Variants in KMT2B observed in about 807,000 individuals in gnomAD.
KMT2B encodes the protein lysine methyltransferase 2B, also known as histone-lysine N-methyltransferase 2B.
In KMT2B, 22 loss-of-function variants were observed where a neutral mutation model predicts 255.3. The ratio of observed to expected loss-of-function variants is 0.09; its 90% CI spans 0.06 to 0.12. KMT2B has a LOEUF of 0.12. Among genes scored for constraint, KMT2B ranks in the 10% least tolerant of loss-of-function variants. The pLI is 1.00. For synonymous variants in KMT2B, 1,730 were observed against 1,498.1 expected, an observed-to-expected ratio of 1.15 and a Z score of -3.57; for missense variants, 3,149 against 3,737.0, an observed-to-expected ratio of 0.84 and a Z score of 4.10.
chr19:35,728,681 G>T (rs1018240412), intron 19 of KMT2B, 93 bp from the exon 20 acceptor site: 2 of 845,264 alleles, frequency 2.4e-6, no homozygotes, highest in Non-Finnish European at 4.0e-6. Context: ...AGGGAGTAGC[G>T]GGTGTCATGG....
rs1394871763 is a variant in KMT2B, at chr19:35,738,629, G to A, written c.*72G>A. On this transcript the variant is annotated 3_prime_UTR_variant, in exon 37 of 37. Transcript: ENST00000420124. The surrounding 1 kb of genome is among the most constrained non-coding windows in gnomAD (Gnocchi z 8.7). Reference sequence around the variant, plus strand: ...CTGCCATCTTGCCCCTAGCCTGGGGGCTCCCTAGCCCCTCCCAGAGCATCT... The same window carrying A: ...CTGCCATCTTGCCCCTAGCCTGGGGACTCCCTAGCCCCTCCCAGAGCATCT... The A allele has an allele frequency of 4.0e-6, 6 of 1,512,484 alleles. No individual in the cohort carries two copies. Among genetic ancestry groups the A allele is most frequent in the South Asian group, 2.5e-5 (2 of 78,596 alleles). 93.7% of individuals were successfully genotyped at this position (1,512,484 alleles called of 1,614,324 possible).
intron 19 of KMT2B, 103 bp downstream of exon 19, chr19:35,728,274 T>G: frequency 9.6e-7 from 1 of 1,039,602 alleles, no homozygotes; most frequent in Non-Finnish European, 1.4e-6. Flanking sequence ...AGGTAGGGTC[T>G]GGAGCAGAGC....
intron 8 of KMT2B, among the ~76,000 whole-genome samples, 198 bp from the exon 9 acceptor site, chr19:35,724,439 G>A (rs1969348052): frequency 6.6e-6 from 1 of 152,150 alleles, no homozygotes; most frequent in African/African-American, 2.4e-5. Flanking sequence ...TCAAGGCTGC[G>A]GTGGGCTATG....
intron 2 of KMT2B, 84 bp downstream of exon 2, chr19:35,719,625 C>T (rs1969100257): frequency 5.3e-6 from 8 of 1,507,192 alleles, no homozygotes; most frequent in Admixed American, 1.8e-5. Context: ...GTTCAACTAG[C>T]CTCTGTCAGT....
At chr19:35,731,167 C>T (rs927105032) in intron 26 of KMT2B, among the ~76,000 whole-genome samples, 10 of 152,164 alleles carry the variant, frequency 6.6e-5, no homozygotes, top group African/African-American at 9.7e-5. Context: ...GCTCATGGAG[C>T]GCTCTCCAGT....
chr19:35,722,894 G>A (rs994426330), intron 5 of KMT2B, 101 bp from the exon 6 acceptor site: 130 of 1,431,578 alleles, frequency 9.1e-5, no homozygotes, highest in Non-Finnish European at 1.1e-4. Flanking sequence ...GGAACCTGGC[G>A]CTGTGAGAAA....
intron 26 of KMT2B, among the ~76,000 whole-genome samples, chr19:35,731,678 A>G (rs1969698277): frequency 6.6e-6 from 1 of 152,070 alleles, no homozygotes; most frequent in East Asian, 1.9e-4. Context: ...GGCAGAGAGG[A>G]GATGGCAAGG....
Position 35,729,259 on chromosome 19 carries a change from A to G in KMT2B, c.4880A>G (p.Lys1627Arg). ...EVFEENDGSLKNVHAAVARGR... is the reference protein window; with the variant it reads ...EVFEENDGSLRNVHAAVARGR... ...TTCGAGGAGAACGACGGCTCCCTCA[A>G]GAATGTGCATGCTGCTGTGGCCCGA... Residue 1627 changes from lysine (K) to arginine (R), a missense_variant, in exon 22 of 37, where the codon AAG becomes AGG. Lys to Arg is a conservative substitution (Grantham distance 26). Coordinates refer to ENST00000420124, the MANE Select transcript of KMT2B (RefSeq NM_014727.3). The G allele has an allele frequency of 6.2e-7, 1 of 1,603,942 alleles. No individual in the cohort carries two copies. Among genetic ancestry groups the G allele is most frequent in the Non-Finnish European group, 8.5e-7 (1 of 1,175,378 alleles).
intron 30 of KMT2B, 185 bp from the exon 31 acceptor site, chr19:35,736,505 G>T: frequency 1.5e-6 from 1 of 673,498 alleles, no homozygotes; most frequent in East Asian, 2.8e-5. Context: ...GGCTCCTTAG[G>T]GGAAGAAATG....
chr19:35,728,683 G>A, intron 19 of KMT2B, 91 bp from the exon 20 acceptor site: 1 of 862,764 alleles, frequency 1.2e-6, no homozygotes, highest in Non-Finnish European at 1.9e-6. Context: ...GGAGTAGCGG[G>A]TGTCATGGCG....
rs547847495 is a variant in KMT2B at position 35,727,686 on chromosome 19, C to A, written c.4303-12C>A. ...GCCCACCCCCAGCCCTGCTAACTTC[C>A]CCGCTTTGCAGTGTGGGCCAGATGG... On this transcript the variant is annotated splice_polypyrimidine_tract_variant and intron_variant, in intron 16 of 36. Transcript: ENST00000420124. This position sits in a 1 kb window ranked among gnomAD's most constrained non-coding sequence, Gnocchi z 4.2. 3.1e-6 allele frequency: 5 copies of A among 1,613,560 alleles called. No individual in the cohort carries two copies. Among genetic ancestry groups the A allele is most frequent in the South Asian group, 1.1e-5 (1 of 91,088 alleles).
In KMT2B at chr19:35,720,962, G is replaced by A. The variant is rs1969170990; in HGVS notation, c.1615G>A (p.Val539Ile). ...MPVVSARSSR[V>I]IKTPRRFMDE... ...TGTGGTGAGTGCCCGCTCCTCCCGT[G>A]TCATCAAGACACCCCGGCGATTTAT... Residue 539 changes from valine to isoleucine, a missense_variant, in exon 3 of 37, where the codon GTC (valine) becomes ATC (isoleucine). Physicochemically the swap from Val to Ile is conservative, Grantham distance 29. Transcript: ENST00000420124. 6.2e-7 allele frequency: 1 copy of A among 1,612,114 alleles called. No homozygotes were observed. Among genetic ancestry groups the A allele is most frequent in the African/African-American group, 1.3e-5 (1 of 74,674 alleles).
In KMT2B at chr19:35,738,431, C is replaced by T. The variant is rs752270114; in HGVS notation, c.8022C>T (p.Ile2674=). 2 of 1,614,130 alleles carry T rather than the reference C, an allele frequency of 1.2e-6. No individual in the cohort carries two copies. The highest frequency in any genetic ancestry group is 2.7e-5 in the African/African-American group (2 of 75,070). ...TGGAGGGCCAGAAACACATTGTTAT[C>T]TTCGCCCTGCGCCGCATCCTGCGTG... ...IHVEGQKHIV[I]FALRRILRGE... The change falls in exon 37 of 37, where the codon ATC becomes ATT. Residue 2674 remains isoleucine, a synonymous_variant. Transcript: ENST00000420124. The surrounding 1 kb of genome is among the most constrained non-coding windows in gnomAD (Gnocchi z 8.7).
Position 35,733,961 on chromosome 19 carries a change from C to A in KMT2B, c.7159+89C>A. The A allele has an allele frequency of 1.1e-6, 1 of 902,858 alleles. No individual in the cohort carries two copies. Among genetic ancestry groups the A allele is most frequent in the Admixed American group, 2.2e-5 (1 of 46,492 alleles). The allele number at this position is 902,858 out of a possible 1,614,324, so 55.9% of individuals were successfully genotyped here. On this transcript the variant is annotated intron_variant, in intron 30 of 36. Transcript: ENST00000420124. This position sits in a 1 kb window ranked among gnomAD's most constrained non-coding sequence, Gnocchi z 4.3. ...TGCAAAATCAGCCCTCTTTCAAAAC[C>A]AGTATCTACTCCCAGGGGCCAAGCC... is the stretch of plus-strand genomic sequence containing the variant.
chr19:35,724,327 C>A (rs977291387), intron 8 of KMT2B, among the ~76,000 whole-genome samples: 1 of 152,032 alleles, frequency 6.6e-6, no homozygotes, highest in Non-Finnish European at 1.5e-5. Flanking sequence ...ATAGTGGGAC[C>A]CCATCCCTAT....
intron 5 of KMT2B, 29 bp from the exon 6 acceptor site, chr19:35,722,966 C>A: frequency 1.3e-6 from 2 of 1,513,872 alleles, no homozygotes; most frequent in South Asian, 1.3e-5. Flanking sequence ...TTTGTGGCTC[C>A]ATCCCCTCCT....
rs753724991 is a variant in KMT2B, at chr19:35,737,074, A to G, written c.7373-12A>G. The G allele has an allele frequency of 4.3e-5, 70 of 1,610,382 alleles. No individual in the cohort carries two copies. The highest frequency in any genetic ancestry group is 5.7e-5 in the Non-Finnish European group (67 of 1,177,986). On this transcript the variant is annotated splice_polypyrimidine_tract_variant and intron_variant, in intron 32 of 36. Transcript: ENST00000420124. The surrounding 1 kb of genome is among the most constrained non-coding windows in gnomAD (Gnocchi z 5.3). ...TCCACATGACAGGTGTGTCCTCAAC[A>G]TCTCCCCTCAGGAATGAGTGGGGCG... is the stretch of plus-strand genomic sequence containing the variant.
At position 35,728,184 on chromosome 19, in the gene KMT2B, G is replaced by A. The variant is rs771202393; in HGVS notation, c.4571+13G>A. On this transcript the variant is annotated intron_variant, in intron 19 of 36. Transcript: ENST00000420124. ...CCCGGCTGCCAAAGTGAGCAAGGCT[G>A]GGTAGCAGAAGGGAAGCCGGGGAGT... 6.3e-7 allele frequency: 1 copy of A among 1,578,522 alleles called. No individual in the cohort carries two copies. Among genetic ancestry groups the A allele is most frequent in the South Asian group, 1.2e-5 (1 of 86,130 alleles).
chr19:35,721,336 A>G lies in KMT2B; in HGVS notation c.1989A>G (p.Glu663=), dbSNP rs1365644925. 2.6e-6 allele frequency: 4 copies of G among 1,568,118 alleles called. No individual in the cohort carries two copies. The African/African-American group carries it at 4.1e-5, about 16-fold the overall frequency. Residue 663 remains glutamate, a synonymous_variant, in exon 3 of 37, where the codon GAA becomes GAG. Coordinates refer to ENST00000420124, the MANE Select transcript of KMT2B (RefSeq NM_014727.3). ...GCGAAGCCCACCTGAAGATCTACGA[A>G]TCGGTGCTTACTCCTCCTCCTCTTG... The part of the protein sequence containing the change: ...TPSEAHLKIY[E]SVLTPPPLGA...
Sources: gnomAD v4.1 joint callset for allele counts (sites outside exome capture counted in the v4.1 genomes callset) on GRCh38, gnomAD v4.1.1 for gene constraint, Gnocchi (gnomAD v3.1) non-coding constraint, MANE v1.5 for transcripts, NCBI Gene and HGNC (gene_info 2026-07-23, HGNC 2026-07-21) for gene names.